ALDH9A1: variants seen among roughly 807,000 people sequenced by gnomAD.
ALDH9A1 encodes 4-trimethylaminobutyraldehyde dehydrogenase.
ALDH9A1 carries 42 observed loss-of-function variants against 56.6 expected under a neutral mutation model. The ratio of observed to expected loss-of-function variants is 0.74; its 90% confidence interval spans 0.58 to 0.96. The LOEUF (loss-of-function observed/expected upper bound fraction) is 0.96, where lower values mean the gene tolerates loss of function less well. Ranked by LOEUF, ALDH9A1 falls within the 40% of genes least tolerant of loss-of-function variation. ALDH9A1 has a pLI of 0.00. For missense variants in ALDH9A1, 661 were observed against 651.5 expected (o/e 1.01, Z -0.16); for synonymous variants, 242 against 236.0 (o/e 1.03, Z -0.23).
In ALDH9A1 at chr1:165,662,256, C is replaced by T. The variant is rs1301224551; in HGVS notation, c.*794G>A. ...GATTTATTTTAATTTCACCATATTA[C>T]ATTAGCATACAAATAATTTGTACAT... On this transcript the variant is annotated 3_prime_UTR_variant, in exon 11 of 11. Coordinates refer to ENST00000354775, the MANE Select transcript of ALDH9A1 (RefSeq NM_000696.4). 2 of 152,216 alleles carry T rather than the reference C, an allele frequency of 1.3e-5. No individual in the cohort carries two copies. The highest frequency in any genetic ancestry group is 1.3e-4 in the Admixed American group (2 of 15,276). 9.4% of individuals were successfully genotyped at this position (152,216 alleles called of 1,614,324 possible). A position where few individuals can be genotyped will look rare whatever the true frequency, so the allele number is the denominator to read the frequency against.
chr1:165,671,273 T>C (rs1440485394), intron 6 of ALDH9A1: 1 of 262,810 alleles, frequency 3.8e-6, no homozygotes, highest in East Asian at 1.0e-4. Flanking sequence ...ACATGCACGC[T>C]TCTGGGAAGG....
chr1:165,681,691 TTTCTC>T (rs1558008270), intron 4 of ALDH9A1, among the ~76,000 whole-genome samples: 1 of 152,212 alleles, frequency 6.6e-6, no homozygotes, highest in East Asian at 1.9e-4. Flanking sequence ...TTGCTTATCA[TTTCTC>T]TTAAGACCCA....
In ALDH9A1 at chr1:165,694,813, A is replaced by C. The variant is rs563467495; in HGVS notation, c.327+439T>G. 5.3e-5 allele frequency among the ~76,000 whole-genome samples: 8 copies of C among 152,096 alleles called. No homozygotes were observed. The South Asian group carries it at 1.7e-3, about 32-fold the overall frequency. On this transcript the variant is annotated intron_variant, in intron 2 of 10. Transcript: ENST00000354775. Reference sequence around the variant, plus strand: ...TCTACGAAAAATACAAAAATTAGCCAGGCATGGTGGCACACACCTGTAGTC... The same window carrying C: ...TCTACGAAAAATACAAAAATTAGCCCGGCATGGTGGCACACACCTGTAGTC...
At chr1:165,691,990 C>A (rs1382664641) in intron 2 of ALDH9A1, among the ~76,000 whole-genome samples, 1 of 152,204 alleles carries the variant, frequency 6.6e-6, no homozygotes, top group Non-Finnish European at 1.5e-5. Context: ...TCAACAGACG[C>A]AGAAAAGGCC....
chr1:165,673,855 A>C (rs988067670), intron 6 of ALDH9A1, among the ~76,000 whole-genome samples: 7 of 152,082 alleles, frequency 4.6e-5, no homozygotes, highest in Admixed American at 2.0e-4. Flanking sequence ...ACTTCATCTT[A>C]AGTAGGGGCT....
chr1:165,676,517 T>C (rs550464045), intron 6 of ALDH9A1: 22 of 289,994 alleles, frequency 7.6e-5, no homozygotes, highest in Non-Finnish European at 1.3e-4. Flanking sequence ...TTACCCAGCA[T>C]GTTGTTGGCA....
At chr1:165,663,395 C>G (rs542530835) in intron 10 of ALDH9A1, among the ~76,000 whole-genome samples, 2 of 152,262 alleles carry the variant, frequency 1.3e-5, no homozygotes, top group Non-Finnish European at 2.9e-5. Context: ...ATCTTAATTT[C>G]AGGTATCTAC....
At chr1:165,669,210 T>C in intron 7 of ALDH9A1, 52 bp downstream of exon 7, 1 of 1,494,650 alleles carries the variant, frequency 6.7e-7, no homozygotes, top group Non-Finnish European at 9.1e-7. Context: ...GCATGTGATT[T>C]AGGAGTAGTA....
At position 165,680,768 on chromosome 1, in the gene ALDH9A1, T is replaced by C. The variant is rs1433674915; in HGVS notation, c.593-85A>G. The C allele has an allele frequency of 3.9e-6, 5 of 1,272,068 alleles. No individual in the cohort carries two copies. In the East Asian group the frequency reaches 1.2e-4, roughly 31 times the overall value. 78.8% of individuals were successfully genotyped at this position (1,272,068 alleles called of 1,614,324 possible). A position where few individuals can be genotyped will look rare whatever the true frequency, so the allele number is the denominator to read the frequency against. ...ACAGGACTAGAGGACAATTCAAAAATGATTCCAATTGTTTCCTCTTCCCCA... is the reference window on the plus strand; with the variant it reads ...ACAGGACTAGAGGACAATTCAAAAACGATTCCAATTGTTTCCTCTTCCCCA... On this transcript the variant is annotated intron_variant, in intron 4 of 10. Transcript: ENST00000354775.
At chr1:165,681,117 T>C (rs1226548868) in intron 4 of ALDH9A1, among the ~76,000 whole-genome samples, 2 of 152,122 alleles carry the variant, frequency 1.3e-5, no homozygotes, top group Non-Finnish European at 2.9e-5. Context: ...CCACAACACA[T>C]GGGAATTCTG....
chr1:165,676,639 G>T, intron 6 of ALDH9A1: 1 of 353,034 alleles, frequency 2.8e-6, no homozygotes, highest in South Asian at 2.8e-5. Context: ...GAAAGAAGAT[G>T]ATCAGAAAAA....
intron 2 of ALDH9A1, among the ~76,000 whole-genome samples, chr1:165,689,358 A>C (rs1558011358): frequency 6.6e-6 from 1 of 152,146 alleles, no homozygotes; most frequent in Non-Finnish European, 1.5e-5. Flanking sequence ...TAGAAATGTA[A>C]ACCTCTTTAC....
At position 165,669,362 on chromosome 1, in the gene ALDH9A1, T is replaced by G. The variant is rs1649104998; in HGVS notation, c.1019A>C (p.Lys340Thr). 6.2e-7 allele frequency: 1 copy of G among 1,613,952 alleles called. No individual in the cohort carries two copies. The highest frequency in any genetic ancestry group is 1.3e-5 in the African/African-American group (1 of 74,910). The change falls in exon 7 of 11, where the codon AAA becomes ACA. Residue 340 changes from lysine to threonine, a missense_variant. Lys to Thr is a moderately conservative substitution (Grantham distance 78, BLOSUM62 -1). Coordinates refer to ENST00000354775, the MANE Select transcript of ALDH9A1 (RefSeq NM_000696.4). ...EEVVKQTQRI[K>T]IGDPLLEDTR... ...ATCTTCCAGAAGGGGATCTCCAATT[T>G]TAATCCTTTGGGTCTGTTTCACCAC...
intron 6 of ALDH9A1, among the ~76,000 whole-genome samples, chr1:165,672,582 T>A (rs1204086413): frequency 2.6e-5 from 4 of 152,092 alleles, no homozygotes; most frequent in Admixed American, 6.6e-5. Flanking sequence ...TAGAGATGAA[T>A]AATGATGATA....
intron 6 of ALDH9A1, among the ~76,000 whole-genome samples, chr1:165,679,107 T>G (rs533629581): frequency 1.3e-5 from 2 of 152,334 alleles, no homozygotes; most frequent in African/African-American, 4.8e-5. Flanking sequence ...TTTTTTAATT[T>G]TACTAAGTGT....
intron 3 of ALDH9A1, 24 bp from the exon 4 acceptor site, chr1:165,682,265 G>C (rs1913844): frequency 0.68 from 1,094,156 of 1,609,548 alleles, 375,643 homozygotes; most frequent in East Asian, 0.98. Context: ...AGGAGTAAAG[G>C]AGGATGCAGG....
chr1:165,685,875 C>T (rs1452509603), intron 2 of ALDH9A1, among the ~76,000 whole-genome samples: 3 of 152,200 alleles, frequency 2.0e-5, no homozygotes, highest in Non-Finnish European at 4.4e-5. Context: ...TACACAATCT[C>T]TTCTTTATTT....
At chr1:165,696,067 G>C (rs998855057) in intron 1 of ALDH9A1, among the ~76,000 whole-genome samples, 2 of 152,006 alleles carry the variant, frequency 1.3e-5, no homozygotes, top group Non-Finnish European at 2.9e-5. Context: ...GGCCAGGCTG[G>C]TCTTACATTC....
intron 2 of ALDH9A1, among the ~76,000 whole-genome samples, chr1:165,691,467 AGT>A (rs1649887268): frequency 1.3e-5 from 2 of 152,244 alleles, no homozygotes; most frequent in African/African-American, 4.8e-5. Flanking sequence ...TCAAAACCAG[AGT>A]GCCTCTTCTC....
Sources: gnomAD v4.1 joint callset for allele counts (sites outside exome capture counted in the v4.1 genomes callset) on GRCh38, gnomAD v4.1.1 for gene constraint, MANE v1.5 for transcripts, NCBI Gene and HGNC (gene_info 2026-07-23, HGNC 2026-07-21) for gene names.